The following DLG2 variants were observed in gnomAD, a reference collection of about 807,000 sequenced individuals.
The protein encoded by DLG2 is disks large homolog 2.
A neutral mutation model predicts 132.5 loss-of-function variants in DLG2; 45 were observed. The observed-to-expected ratio is 0.34, with a 90% CI of 0.27 to 0.44. The LOEUF (loss-of-function observed/expected upper bound fraction) is 0.44. Among genes scored for constraint, DLG2 ranks in the 20% least tolerant of loss-of-function variants. DLG2 has a pLI of 1.00. For synonymous variants in DLG2, 424 were observed against 419.6 expected, an observed-to-expected ratio of 1.01 and a Z score of -0.13; for missense variants, 1,045 against 1,196.9, an observed-to-expected ratio of 0.87 and a Z score of 1.87.
intron 3 of DLG2, among the ~76,000 whole-genome samples, chr11:85,415,341 G>T (rs945235494): frequency 2.6e-5 from 4 of 152,156 alleles, no homozygotes; most frequent in Non-Finnish European, 5.9e-5. Flanking sequence ...TGTCTTTATA[G>T]TAGAATGATT....
At chr11:85,490,657 T>C (rs544919759) in intron 3 of DLG2, among the ~76,000 whole-genome samples, 1 of 152,114 alleles carries the variant, frequency 6.6e-6, no homozygotes, top group South Asian at 2.1e-4. Flanking sequence ...TCAGAGATGA[T>C]TATGAAGCAC....
At chr11:84,502,171 T>C (rs1399792414) in intron 7 of DLG2, among the ~76,000 whole-genome samples, 1 of 38,088 alleles carries the variant, frequency 2.6e-5, no homozygotes, top group East Asian at 3.8e-4. Flanking sequence ...TCTCTCTCTC[T>C]CTCTTTCTCT....
intron 8 of DLG2, among the ~76,000 whole-genome samples, chr11:84,176,054 T>C (rs1441881774): frequency 5.9e-5 from 9 of 151,986 alleles, no homozygotes; most frequent in Non-Finnish European, 2.9e-5. Flanking sequence ...CATTATTGCA[T>C]TGGATTCTTA....
chr11:84,363,853 C>G (rs2098665790), intron 7 of DLG2, among the ~76,000 whole-genome samples: 1 of 151,976 alleles, frequency 6.6e-6, no homozygotes, highest in Non-Finnish European at 1.5e-5. Context: ...GGGCTCTGTT[C>G]TGTTCCATGA....
intron 6 of DLG2, among the ~76,000 whole-genome samples, chr11:84,779,163 T>A (rs2071235721): frequency 1.3e-5 from 2 of 151,720 alleles, no homozygotes; most frequent in African/African-American, 4.8e-5. Context: ...TTCTCCTTAA[T>A]AAATTCCCTT....
chr11:83,953,572 C>G (rs185085269), intron 14 of DLG2, among the ~76,000 whole-genome samples: 1 of 152,222 alleles, frequency 6.6e-6, no homozygotes, highest in Admixed American at 6.5e-5. Flanking sequence ...AGGTTAGGGA[C>G]CACTGATATA....
At chr11:84,122,622 T>C (rs1425176438) in intron 9 of DLG2, among the ~76,000 whole-genome samples, 1 of 152,236 alleles carries the variant, frequency 6.6e-6, no homozygotes, top group Admixed American at 6.5e-5. Flanking sequence ...CGGGAGATGT[T>C]GACTCATTTT....
chr11:84,921,215 A>G (rs995574249), intron 6 of DLG2, among the ~76,000 whole-genome samples: 1 of 152,190 alleles, frequency 6.6e-6, no homozygotes, highest in Admixed American at 6.5e-5. Context: ...GTTGTCTCAG[A>G]AAGACAAGAT....
intron 19 of DLG2, among the ~76,000 whole-genome samples, chr11:83,563,453 T>C (rs1385617407): frequency 1.3e-5 from 2 of 152,220 alleles, no homozygotes; most frequent in Non-Finnish European, 2.9e-5. Context: ...TAGCTGCAGG[T>C]GAGGGTTTTG....
At chr11:84,210,745 G>A (rs1409950257) in intron 8 of DLG2, among the ~76,000 whole-genome samples, 1 of 152,090 alleles carries the variant, frequency 6.6e-6, no homozygotes, top group African/African-American at 2.4e-5. Context: ...GACACAGCAA[G>A]TATATACTGA....
At chr11:84,364,934 T>G (rs2098672834) in intron 7 of DLG2, among the ~76,000 whole-genome samples, 2 of 152,208 alleles carry the variant, frequency 1.3e-5, no homozygotes, top group African/African-American at 2.4e-5. Context: ...TTGAGGATTT[T>G]TGCATCAATG....
chr11:83,514,832 T>A (rs2095227472), intron 21 of DLG2, among the ~76,000 whole-genome samples: 1 of 152,190 alleles, frequency 6.6e-6, no homozygotes, highest in Non-Finnish European at 1.5e-5. Flanking sequence ...TGGATTACGT[T>A]TATTGATTTG....
chr11:83,606,412 C>T (rs988980361), intron 19 of DLG2, among the ~76,000 whole-genome samples: 1 of 152,096 alleles, frequency 6.6e-6, no homozygotes, highest in Non-Finnish European at 1.5e-5. Context: ...ATGGGTGCAG[C>T]CAGAAGCTAA....
intron 6 of DLG2, among the ~76,000 whole-genome samples, chr11:84,570,459 T>C (rs1296878758): frequency 6.6e-6 from 1 of 152,174 alleles, no homozygotes; most frequent in Non-Finnish European, 1.5e-5. Context: ...CCTCTCTAAA[T>C]TGTGAGCTGC....
At chr11:84,639,562 A>T (rs982187614) in intron 6 of DLG2, among the ~76,000 whole-genome samples, 3 of 152,192 alleles carry the variant, frequency 2.0e-5, no homozygotes, top group African/African-American at 7.2e-5. Context: ...CTTCCAGGGC[A>T]TTGGTGAGGT....
At chr11:84,675,977 T>C (rs1290790234) in intron 6 of DLG2, among the ~76,000 whole-genome samples, 1 of 151,964 alleles carries the variant, frequency 6.6e-6, no homozygotes, top group East Asian at 1.9e-4. Context: ...TTTTTCTCTA[T>C]CCAGATAGAG....
intron 6 of DLG2, among the ~76,000 whole-genome samples, chr11:84,905,012 A>T (rs2091345041): frequency 6.6e-6 from 1 of 152,072 alleles, no homozygotes; most frequent in Admixed American, 6.6e-5. Flanking sequence ...AGTAGCTTGG[A>T]TTATAGGCGT....
intron 11 of DLG2, among the ~76,000 whole-genome samples, chr11:84,041,339 C>A (rs917022937): frequency 2.0e-5 from 3 of 151,804 alleles, no homozygotes. Context: ...AGGGTTTAAG[C>A]AGTTATAAAG....
intron 3 of DLG2, among the ~76,000 whole-genome samples, chr11:85,382,601 A>C (rs1410530185): frequency 6.6e-6 from 1 of 152,102 alleles, no homozygotes; most frequent in Non-Finnish European, 1.5e-5. Flanking sequence ...ATTTTTGATA[A>C]GGGTTTATTA....
Sources: allele counts gnomAD v4.1 joint callset (sites outside exome capture counted in the v4.1 genomes callset), GRCh38; gene constraint gnomAD v4.1.1; transcripts MANE v1.5; gene names NCBI Gene and HGNC (gene_info 2026-07-23, HGNC 2026-07-21).